The following AGBL4 variants were observed in gnomAD, a reference collection of about 807,000 sequenced individuals.
AGBL4 encodes the protein cytosolic carboxypeptidase 6.
Under a neutral mutation model 66.4 loss-of-function variants are expected in AGBL4, and 58 were observed. The observed-to-expected ratio is 0.87, with a 90% CI of 0.71 to 1.09. The LOEUF (loss-of-function observed/expected upper bound fraction) is 1.09. Among genes scored for constraint, AGBL4 ranks in the 50% least tolerant of loss-of-function variants. The pLI is 0.00. For missense variants in AGBL4, 579 were observed against 631.0 expected, an observed-to-expected ratio of 0.92 and a Z score of 0.88; for synonymous variants, 234 against 222.9, an observed-to-expected ratio of 1.05 and a Z score of -0.44.
intron 3 of AGBL4, among the ~76,000 whole-genome samples, chr1:49,414,674 T>C (rs1645390222): frequency 6.6e-6 from 1 of 152,124 alleles, no homozygotes; most frequent in South Asian, 2.1e-4. Flanking sequence ...TAAGAAGCCA[T>C]GAAGAATGTA....
At chr1:49,316,059 C>G (rs183186011) in intron 3 of AGBL4, among the ~76,000 whole-genome samples, 3 of 151,806 alleles carry the variant, frequency 2.0e-5, no homozygotes, top group South Asian at 4.2e-4. Flanking sequence ...CTGGGAAAGG[C>G]AAAACTATGA....
At chr1:48,590,142 C>T (rs1569910161) in intron 10 of AGBL4, among the ~76,000 whole-genome samples, 4 of 152,052 alleles carry the variant, frequency 2.6e-5, no homozygotes, top group Admixed American at 2.0e-4. Flanking sequence ...CGGTGGCTCA[C>T]GCCTGTAATC....
chr1:49,299,833 G>A lies in AGBL4; in HGVS notation c.283-53969C>T, dbSNP rs539056445. Among the ~76,000 whole-genome samples, 11 of 151,146 alleles carry A rather than the reference G, an allele frequency of 7.3e-5. No individual in the cohort carries two copies. In the South Asian group the frequency reaches 1.3e-3, roughly 17 times the overall value. On this transcript the variant is annotated intron_variant, in intron 3 of 13. Transcript: ENST00000371839. ...TTTCTTTCTATTCCTAGTTTTCTGA[G>A]TTTTTTTTTCTTTTAAATCATGAAT...
At chr1:48,617,801 C>T (rs575219878) in intron 9 of AGBL4, among the ~76,000 whole-genome samples, 3 of 152,314 alleles carry the variant, frequency 2.0e-5, no homozygotes, top group African/African-American at 7.2e-5. Flanking sequence ...TTACACCTTG[C>T]TCTGCTCTAC....
At chr1:49,183,345 G>T (rs894048171) in intron 4 of AGBL4, among the ~76,000 whole-genome samples, 6 of 152,140 alleles carry the variant, frequency 3.9e-5, no homozygotes, top group Non-Finnish European at 7.4e-5. Flanking sequence ...TCTTTGACAT[G>T]ACTTTACTGG....
At chr1:49,298,868 G>T (rs547587042) in intron 3 of AGBL4, among the ~76,000 whole-genome samples, 2 of 152,112 alleles carry the variant, frequency 1.3e-5, no homozygotes, top group Non-Finnish European at 2.9e-5. Context: ...CTCTGCCTTA[G>T]TCTGACATTC....
chr1:49,275,749 CCAAA>C (rs1413027423), intron 3 of AGBL4, among the ~76,000 whole-genome samples: 10 of 152,078 alleles, frequency 6.6e-5, no homozygotes, highest in East Asian at 1.9e-4. Flanking sequence ...CTACAAGTCT[CCAAA>C]CAATTTTTTT....
intron 7 of AGBL4, among the ~76,000 whole-genome samples, chr1:48,662,738 G>C (rs1043090130): frequency 1.3e-5 from 2 of 152,318 alleles, no homozygotes; most frequent in Admixed American, 1.3e-4. Context: ...TGAGTGAAGA[G>C]ATAGTTTTCA....
At chr1:49,172,174 C>T (rs545034549) in intron 4 of AGBL4, among the ~76,000 whole-genome samples, 1 of 152,290 alleles carries the variant, frequency 6.6e-6, no homozygotes, top group African/African-American at 2.4e-5. Flanking sequence ...AGGAGATGGA[C>T]ACTTTGTTCT....
chr1:49,524,848 C>T (rs916735356), intron 3 of AGBL4, among the ~76,000 whole-genome samples: 2 of 152,010 alleles, frequency 1.3e-5, no homozygotes, highest in Non-Finnish European at 1.5e-5. Context: ...GCGTGAACCC[C>T]TTATGAATAA....
At chr1:49,099,119 C>T (rs1021070865) in intron 4 of AGBL4, among the ~76,000 whole-genome samples, 3 of 152,116 alleles carry the variant, frequency 2.0e-5, no homozygotes, top group African/African-American at 7.2e-5. Flanking sequence ...GTCACTGCTT[C>T]GGTCTGATGC....
intron 3 of AGBL4, among the ~76,000 whole-genome samples, chr1:49,461,064 G>A (rs1158335721): frequency 6.6e-6 from 1 of 151,604 alleles, no homozygotes. Context: ...ATAGCCTGAT[G>A]ACTATGTGCC....
intron 2 of AGBL4, among the ~76,000 whole-genome samples, chr1:49,773,489 G>T (rs1211712595): frequency 6.6e-6 from 1 of 152,126 alleles, no homozygotes; most frequent in Non-Finnish European, 1.5e-5. Flanking sequence ...ACACTGTGTG[G>T]CTTCAGCTCT....
intron 6 of AGBL4, chr1:48,742,777 C>A: frequency 6.4e-7 from 1 of 1,561,288 alleles, no homozygotes; most frequent in Non-Finnish European, 8.7e-7. Flanking sequence ...GGGACCTAGG[C>A]AGTTAAGAAA....
chr1:49,910,279 T>A (rs1254869047), intron 1 of AGBL4, among the ~76,000 whole-genome samples: 1 of 151,910 alleles, frequency 6.6e-6, no homozygotes, highest in Admixed American at 6.6e-5. Flanking sequence ...TTCAAAAAGG[T>A]AGAGGACATA....
intron 5 of AGBL4, among the ~76,000 whole-genome samples, chr1:48,905,991 A>G (rs1314563427): frequency 6.6e-6 from 1 of 152,240 alleles, no homozygotes; most frequent in Non-Finnish European, 1.5e-5. Flanking sequence ...TTACTTTTAA[A>G]TGAAGGAAAC....
At chr1:48,759,161 C>T in intron 6 of AGBL4, 1 of 1,614,182 alleles carries the variant, frequency 6.2e-7, no homozygotes, top group Non-Finnish European at 8.5e-7. Flanking sequence ...GGCGAGGCCT[C>T]CACGAAGACC....
At chr1:48,893,762 G>T (rs1004931568) in intron 5 of AGBL4, among the ~76,000 whole-genome samples, 1 of 152,036 alleles carries the variant, frequency 6.6e-6, no homozygotes, top group African/African-American at 2.4e-5. Flanking sequence ...TTTCTACCAT[G>T]CGAGGCTACA....
intron 6 of AGBL4, among the ~76,000 whole-genome samples, chr1:48,853,101 A>G (rs1050444377): frequency 6.6e-6 from 1 of 152,180 alleles, no homozygotes; most frequent in Non-Finnish European, 1.5e-5. Flanking sequence ...CCTATTTTGG[A>G]TTAGTCACTC....
Sources: allele counts gnomAD v4.1 joint callset (sites outside exome capture counted in the v4.1 genomes callset), GRCh38; gene constraint gnomAD v4.1.1; transcripts MANE v1.5; gene names NCBI Gene and HGNC (gene_info 2026-07-23, HGNC 2026-07-21).